Variants in GRID2 observed in about 807,000 individuals in gnomAD.
The protein encoded by GRID2 is glutamate ionotropic receptor delta type subunit 2.
GRID2 carries 33 observed loss-of-function variants against 114.8 expected under a neutral mutation model. The ratio of observed to expected loss-of-function variants is 0.29; its 90% confidence interval spans 0.22 to 0.38. GRID2 has a LOEUF of 0.38. Among genes scored for constraint, GRID2 ranks in the 10% least tolerant of loss-of-function variants. GRID2 has a pLI of 1.00. For missense variants in GRID2, 1,184 were observed against 1,257.7 expected (o/e 0.94, Z 0.89); for synonymous variants, 505 against 449.9 (o/e 1.12, Z -1.55).
chr4:93,216,367 G>C (rs928533870), intron 5 of GRID2, among the ~76,000 whole-genome samples: 3 of 149,238 alleles, frequency 2.0e-5, no homozygotes, highest in African/African-American at 5.1e-5. Context: ...CAAAGTAATA[G>C]TATTAATTAA....
intron 6 of GRID2, among the ~76,000 whole-genome samples, chr4:93,222,464 T>C: frequency 6.6e-6 from 1 of 150,728 alleles, no homozygotes; most frequent in Middle Eastern, 3.5e-3. Flanking sequence ...TAAATATATA[T>C]ATATATATAT....
At chr4:92,911,932 T>G (rs1311219827) in intron 2 of GRID2, among the ~76,000 whole-genome samples, 1 of 151,804 alleles carries the variant, frequency 6.6e-6, no homozygotes, top group African/African-American at 2.4e-5. Flanking sequence ...AAGCTTCCAG[T>G]TTTTCCTGTT....
chr4:92,664,568 C>G (rs1732677091), intron 2 of GRID2, among the ~76,000 whole-genome samples: 1 of 150,982 alleles, frequency 6.6e-6, no homozygotes, highest in African/African-American at 2.4e-5. Context: ...ACCTAGTTAG[C>G]TTATTGTGTT....
intron 2 of GRID2, among the ~76,000 whole-genome samples, chr4:93,059,715 T>C (rs1203212346): frequency 1.3e-5 from 2 of 152,136 alleles, no homozygotes; most frequent in South Asian, 2.1e-4. Flanking sequence ...ATTAAACATA[T>C]GTTCTATGCC....
At chr4:93,281,612 T>C (rs894926936) in intron 8 of GRID2, among the ~76,000 whole-genome samples, 4 of 152,044 alleles carry the variant, frequency 2.6e-5, no homozygotes, top group Non-Finnish European at 4.4e-5. Flanking sequence ...TCTTAGAGAA[T>C]TGGAAGTTTG....
chr4:93,171,160 C>T (rs1390785198), intron 4 of GRID2, among the ~76,000 whole-genome samples: 2 of 152,192 alleles, frequency 1.3e-5, no homozygotes, highest in Non-Finnish European at 1.5e-5. Flanking sequence ...GTATTACCTA[C>T]TTTCAACCCA....
At chr4:93,301,363 A>G (rs2149167989) in intron 8 of GRID2, among the ~76,000 whole-genome samples, 1 of 152,296 alleles carries the variant, frequency 6.6e-6, no homozygotes, top group East Asian at 1.9e-4. Context: ...ACACTGTGGG[A>G]CTTCCTAAAT....
At chr4:93,511,585 T>C (rs1729188468) in intron 12 of GRID2, among the ~76,000 whole-genome samples, 1 of 152,148 alleles carries the variant, frequency 6.6e-6, no homozygotes, top group Admixed American at 6.6e-5. Context: ...TTTTTTACTG[T>C]GTGCATGAGT....
chr4:93,034,493 G>T (rs554492386), intron 2 of GRID2, among the ~76,000 whole-genome samples: 117 of 152,244 alleles, frequency 7.7e-4, no homozygotes, highest in African/African-American at 2.7e-3. Context: ...CTCTGCCTGG[G>T]AATGCTTTCT....
intron 2 of GRID2, among the ~76,000 whole-genome samples, chr4:92,837,722 G>A (rs1327601836): frequency 2.6e-5 from 4 of 152,134 alleles, no homozygotes; most frequent in African/African-American, 9.6e-5. Flanking sequence ...ACCTTTCCAT[G>A]TTTTACTTGG....
intron 13 of GRID2, among the ~76,000 whole-genome samples, chr4:93,539,428 C>T (rs1732428100): frequency 6.6e-6 from 1 of 151,974 alleles, no homozygotes; most frequent in African/African-American, 2.4e-5. Context: ...GTCTAAGTCT[C>T]CTTTCATAAT....
chr4:93,611,784 A>G (rs1230144078), intron 13 of GRID2, among the ~76,000 whole-genome samples: 1 of 149,034 alleles, frequency 6.7e-6, no homozygotes, highest in Admixed American at 6.7e-5. Context: ...AAAAAAATGT[A>G]TATTCTGTTG....
chr4:92,432,903 A>G (rs1732534876), intron 1 of GRID2, among the ~76,000 whole-genome samples: 2 of 152,040 alleles, frequency 1.3e-5, no homozygotes, highest in African/African-American at 4.8e-5. Flanking sequence ...GCCTGCAATG[A>G]GTATTGCCTT....
intron 2 of GRID2, among the ~76,000 whole-genome samples, chr4:92,753,173 A>G (rs1402040006): frequency 6.6e-6 from 1 of 152,192 alleles, no homozygotes; most frequent in Non-Finnish European, 1.5e-5. Flanking sequence ...GAAACCAATA[A>G]ATATCACCAT....
At chr4:92,316,056 A>C (rs1725964166) in intron 1 of GRID2, among the ~76,000 whole-genome samples, 1 of 151,458 alleles carries the variant, frequency 6.6e-6, no homozygotes, top group African/African-American at 2.4e-5. Context: ...ATGACATTTA[A>C]AGCGAATTAA....
chr4:93,769,345 A>G lies in GRID2; in HGVS notation c.2496A>G (p.Ala832=), dbSNP rs544336452. ...GCGCCCTGGACATAAAGAGCTTTGCAGGGGTCTTTTGTATCCTGGCTGCTG... is the reference window on the plus strand; with the variant it reads ...GCGCCCTGGACATAAAGAGCTTTGCGGGGGTCTTTTGTATCCTGGCTGCTG... ...KGGALDIKSF[A]GVFCILAAGI... Residue 832 remains alanine, a synonymous_variant, in exon 15 of 16, where the codon GCA becomes GCG. Transcript: ENST00000282020. The G allele has an allele frequency of 3.7e-6, 6 of 1,614,030 alleles. No homozygotes were observed. The South Asian group carries it at 4.4e-5, about 12-fold the overall frequency.
At chr4:92,675,663 G>T (rs1421131882) in intron 2 of GRID2, among the ~76,000 whole-genome samples, 3 of 151,414 alleles carry the variant, frequency 2.0e-5, no homozygotes, top group Admixed American at 2.0e-4. Flanking sequence ...CAATTCTCCT[G>T]CTTCAGCCTC....
intron 2 of GRID2, among the ~76,000 whole-genome samples, chr4:92,640,834 A>C (rs968096927): frequency 6.6e-6 from 1 of 151,882 alleles, no homozygotes; most frequent in Non-Finnish European, 1.5e-5. Flanking sequence ...TAAAAAAAAC[A>C]AAAAGTATAT....
At chr4:93,598,681 G>C (rs928128481) in intron 13 of GRID2, among the ~76,000 whole-genome samples, 9 of 151,978 alleles carry the variant, frequency 5.9e-5, no homozygotes, top group African/African-American at 2.2e-4. Flanking sequence ...TACAGATTTT[G>C]TATCTACCAA....
Sources: gnomAD v4.1 joint callset for allele counts (sites outside exome capture counted in the v4.1 genomes callset) on GRCh38, gnomAD v4.1.1 for gene constraint, MANE v1.5 for transcripts, NCBI Gene and HGNC (gene_info 2026-07-23, HGNC 2026-07-21) for gene names.